Variants in CSMD1 observed in about 807,000 individuals in gnomAD.
CSMD1 encodes the protein CUB and sushi domain-containing protein 1.
A neutral mutation model predicts 417.5 loss-of-function variants in CSMD1; 213 were observed. The observed-to-expected ratio is 0.51, with a 90% CI of 0.46 to 0.57. The LOEUF is 0.57. Among genes scored for constraint, CSMD1 ranks in the 20% least tolerant of loss-of-function variants. The pLI, the probability that CSMD1 is intolerant of heterozygous loss-of-function variation, is 0.00. For missense variants in CSMD1, 6,923 were observed against 4,529.7 expected (o/e 1.53, Z -15.17); for synonymous variants, 2,862 against 1,736.8 (o/e 1.65, Z -16.11).
chr8:3,023,907 G>C (rs1462032962), intron 51 of CSMD1, among the ~76,000 whole-genome samples: 1 of 151,722 alleles, frequency 6.6e-6, no homozygotes, highest in Non-Finnish European at 1.5e-5. Flanking sequence ...CAATGACTCG[G>C]GTGATGCTAC....
At chr8:4,177,752 C>G (rs1050711546) in intron 3 of CSMD1, among the ~76,000 whole-genome samples, 1 of 151,310 alleles carries the variant, frequency 6.6e-6, no homozygotes, top group Non-Finnish European at 1.5e-5. Flanking sequence ...GGGGATATCA[C>G]CACCGATCCC....
At chr8:4,926,779 C>G (rs1806899536) in intron 1 of CSMD1, among the ~76,000 whole-genome samples, 1 of 152,092 alleles carries the variant, frequency 6.6e-6, no homozygotes, top group Non-Finnish European at 1.5e-5. Flanking sequence ...CATGTCATCT[C>G]TCTGTATTGG....
chr8:4,164,880 GA>G (rs35866569), intron 3 of CSMD1, among the ~76,000 whole-genome samples: 32,702 of 107,788 alleles, frequency 0.3, 3,696 homozygotes, highest in East Asian at 0.43. Flanking sequence ...CCATCTCAAA[GA>G]AAAAAAAAAA....
chr8:3,260,455 G>C (rs1056086770), intron 26 of CSMD1, among the ~76,000 whole-genome samples: 1 of 152,096 alleles, frequency 6.6e-6, no homozygotes, highest in East Asian at 1.9e-4. Context: ...ACTCAGCCCA[G>C]ACTCCAGAGG....
At chr8:3,756,376 T>G (rs1584950656) in intron 5 of CSMD1, among the ~76,000 whole-genome samples, 2 of 152,022 alleles carry the variant, frequency 1.3e-5, no homozygotes, top group East Asian at 3.9e-4. Flanking sequence ...AATCATTAGT[T>G]TCTTTGTATA....
intron 5 of CSMD1, among the ~76,000 whole-genome samples, chr8:3,946,447 C>T (rs1811230387): frequency 6.6e-6 from 1 of 152,124 alleles, no homozygotes; most frequent in South Asian, 2.1e-4. Flanking sequence ...ATATTGACAT[C>T]TTCAAATCGT....
At chr8:2,967,638 G>C (rs902760049) in intron 57 of CSMD1, among the ~76,000 whole-genome samples, 4 of 152,076 alleles carry the variant, frequency 2.6e-5, no homozygotes, top group Non-Finnish European at 5.9e-5. Context: ...TAAAGGAAGT[G>C]ACCCTTGGCT....
At chr8:4,072,030 G>A (rs368820481) in intron 3 of CSMD1, among the ~76,000 whole-genome samples, 1 of 152,170 alleles carries the variant, frequency 6.6e-6, no homozygotes, top group Admixed American at 6.5e-5. Context: ...GGTTCAGAAA[G>A]AAAGTGGATG....
At chr8:4,182,026 G>T (rs556383091) in intron 3 of CSMD1, among the ~76,000 whole-genome samples, 2 of 114,190 alleles carry the variant, frequency 1.8e-5, no homozygotes, top group Non-Finnish European at 4.0e-5. Context: ...ATACACACCC[G>T]TGTGTGTGTG....
intron 10 of CSMD1, among the ~76,000 whole-genome samples, chr8:3,507,707 T>C (rs1194918223): frequency 1.3e-5 from 2 of 152,238 alleles, no homozygotes; most frequent in Non-Finnish European, 2.9e-5. Flanking sequence ...CTAACTGGTA[T>C]GAGATGGTAT....
intron 3 of CSMD1, among the ~76,000 whole-genome samples, chr8:4,163,351 G>T (rs1218440124): frequency 6.6e-6 from 1 of 152,106 alleles, no homozygotes; most frequent in Non-Finnish European, 1.5e-5. Context: ...ATTCCCATCA[G>T]CCATAACTCA....
At chr8:4,588,902 G>A (rs1799846646) in intron 2 of CSMD1, among the ~76,000 whole-genome samples, 2 of 152,000 alleles carry the variant, frequency 1.3e-5, no homozygotes, top group South Asian at 4.1e-4. Context: ...ACTCCAGGGT[G>A]CCCTTTCACT....
chr8:4,230,135 G>A (rs1428372975), intron 3 of CSMD1, among the ~76,000 whole-genome samples: 2 of 152,166 alleles, frequency 1.3e-5, no homozygotes, highest in East Asian at 1.9e-4. Flanking sequence ...ATCTCAGAAT[G>A]TGATGACATA....
At chr8:3,388,638 A>G (rs973150046) in intron 17 of CSMD1, among the ~76,000 whole-genome samples, 3 of 152,190 alleles carry the variant, frequency 2.0e-5, no homozygotes, top group South Asian at 2.1e-4. Context: ...TTTGAGTGCT[A>G]TAACTTGGGC....
chr8:3,272,098 G>A (rs377607584), intron 26 of CSMD1, among the ~76,000 whole-genome samples: 1 of 148,036 alleles, frequency 6.8e-6, no homozygotes, highest in African/African-American at 2.5e-5. Context: ...ATCTTGAATT[G>A]ATTTTTGTAT....
chr8:3,981,500 T>TAAAAAAAAAAAAAAAAA (rs200296436), intron 5 of CSMD1, among the ~76,000 whole-genome samples: 6 of 115,074 alleles, frequency 5.2e-5, no homozygotes, highest in South Asian at 2.8e-4. Flanking sequence ...TAGAAAAAAG[T>TAAAAAAAAAAAAAAAAA]AAAAAAAAAA....
chr8:4,251,894 G>A lies in CSMD1; in HGVS notation c.415+168059C>T, dbSNP rs554192448. On this transcript the variant is annotated intron_variant, in intron 3 of 69. Coordinates refer to ENST00000635120, the MANE Select transcript of CSMD1 (RefSeq NM_033225.6). Reference sequence around the variant, plus strand: ...GGGTGGAGGAAGAGGGGAAGGGAGGGGAGGGGAGGGGAGGATAATGTGGGA... The same window carrying A: ...GGGTGGAGGAAGAGGGGAAGGGAGGAGAGGGGAGGGGAGGATAATGTGGGA... 2.8e-4 allele frequency among the ~76,000 whole-genome samples: 42 copies of A among 151,030 alleles called. 1 individual carries two copies. Among genetic ancestry groups the A allele is most frequent in the African/African-American group, 9.5e-4 (39 of 41,096 alleles).
At chr8:3,697,253 G>C (rs924476735) in intron 7 of CSMD1, among the ~76,000 whole-genome samples, 1 of 152,140 alleles carries the variant, frequency 6.6e-6, no homozygotes, top group Admixed American at 6.6e-5. Flanking sequence ...TCATGATTCT[G>C]TAATTCTGTA....
rs372111472 is a variant in CSMD1 at position 3,784,794 on chromosome 8, T to C, written c.819-30752A>G. ...AGCAATTCCACTCATATTTACATCA[T>C]GTTGCATATCACAATTGCTTGCACC... On this transcript the variant is annotated intron_variant, in intron 5 of 69. Coordinates refer to ENST00000635120, the MANE Select transcript of CSMD1 (RefSeq NM_033225.6). Among the ~76,000 whole-genome samples, 76 of 152,332 alleles carry C rather than the reference T, an allele frequency of 5.0e-4. 2 individuals carry two copies. Among genetic ancestry groups the C allele is most frequent in the Middle Eastern group, 3.4e-3 (1 of 294 alleles).
Sources: gnomAD v4.1 joint callset for allele counts (sites outside exome capture counted in the v4.1 genomes callset) on GRCh38, gnomAD v4.1.1 for gene constraint, MANE v1.5 for transcripts, NCBI Gene and HGNC (gene_info 2026-07-23, HGNC 2026-07-21) for gene names.